DEPDC5: variants seen among roughly 807,000 people sequenced by gnomAD.
DEPDC5 encodes DEP domain containing 5, GATOR1 subcomplex subunit.
A neutral mutation model predicts 217.3 loss-of-function variants in DEPDC5; 73 were observed. That is an observed-to-expected ratio of 0.34 (90% confidence interval 0.28 to 0.41). DEPDC5 has a LOEUF of 0.41. Among genes scored for constraint, DEPDC5 ranks in the 10% least tolerant of loss-of-function variants. The pLI is 1.00. For synonymous variants in DEPDC5, 733 were observed against 756.7 expected (o/e 0.97, Z 0.51); for missense variants, 1,675 against 2,070.1 (o/e 0.81, Z 3.70).
chr22:31,866,426 G>A (rs756278527), intron 33 of DEPDC5, among the ~76,000 whole-genome samples: 4 of 151,812 alleles, frequency 2.6e-5, no homozygotes, highest in African/African-American at 9.7e-5. Context: ...TCGCTCTGTC[G>A]CCAGGCTGGA....
At position 31,802,333 on chromosome 22, in the gene DEPDC5, T is replaced by C. The variant is rs567455726; in HGVS notation, c.947-371T>C. On this transcript the variant is annotated intron_variant, in intron 14 of 42. Coordinates refer to ENST00000651528, the MANE Select transcript of DEPDC5 (RefSeq NM_001242896.3). Reference sequence around the variant, plus strand: ...TTGGTAGAGATGGAGTTTCACCATGTTGGCCAGGCTGGTCTCAAACTCCTG... The same window carrying C: ...TTGGTAGAGATGGAGTTTCACCATGCTGGCCAGGCTGGTCTCAAACTCCTG... Among the ~76,000 whole-genome samples the C allele has an allele frequency of 2.0e-5, 3 of 152,134 alleles. 1 individual carries two copies. The South Asian group carries it at 6.2e-4, about 32-fold the overall frequency.
chr22:31,881,075 C>T (rs1602692108), intron 38 of DEPDC5, among the ~76,000 whole-genome samples: 1 of 151,298 alleles, frequency 6.6e-6, no homozygotes, highest in East Asian at 1.9e-4. Context: ...CTTTGGGAGG[C>T]TGAGGTGGGT....
At chr22:31,831,520 T>A (rs2090593577) in intron 24 of DEPDC5, among the ~76,000 whole-genome samples, 1 of 152,136 alleles carries the variant, frequency 6.6e-6, no homozygotes, top group African/African-American at 2.4e-5. Context: ...TGCAGTGGTG[T>A]GATCTCAGCT....
At chr22:31,753,982 G>A (rs1434389896), upstream of DEPDC5, 2 of 152,820 alleles carry the variant, frequency 1.3e-5, no homozygotes, top group African/African-American at 2.4e-5. Context: ...CCACCGGAGC[G>A]GCGCGGGTTC....
chr22:31,784,094 T>A, intron 9 of DEPDC5, 109 bp downstream of exon 9: 1 of 826,800 alleles, frequency 1.2e-6, no homozygotes, highest in Non-Finnish European at 1.9e-6. Flanking sequence ...TAACAAACTT[T>A]AAATATCATT....
chr22:31,863,347 A>G (rs1032148166), intron 33 of DEPDC5, among the ~76,000 whole-genome samples: 1 of 152,138 alleles, frequency 6.6e-6, no homozygotes, highest in African/African-American at 2.4e-5. Flanking sequence ...TTGTATTATT[A>G]GTAGAGAAGG....
chr22:31,829,189 G>GGGAC (rs2090399297), intron 24 of DEPDC5, among the ~76,000 whole-genome samples: 1 of 152,166 alleles, frequency 6.6e-6, no homozygotes, highest in African/African-American at 2.4e-5. Flanking sequence ...TCCTTGTTTT[G>GGGAC]GGACAAGGTG....
At chr22:31,896,894 G>A (rs7291742) in intron 39 of DEPDC5, among the ~76,000 whole-genome samples, 12,155 of 152,132 alleles carry the variant, frequency 0.08, 554 homozygotes, top group Admixed American at 0.12. Context: ...TGAGGCCAGC[G>A]GATCACCTGA....
intron 11 of DEPDC5, 106 bp downstream of exon 11, chr22:31,792,208 C>A (rs962389244): frequency 5.0e-6 from 4 of 796,044 alleles, no homozygotes; most frequent in Non-Finnish European, 8.4e-6. Context: ...TTCCACCCTT[C>A]CCATCTTTTC....
Position 31,879,586 on chromosome 22 carries a change from C to A in DEPDC5, c.3867C>A (p.Phe1289Leu). 6.2e-7 allele frequency: 1 copy of A among 1,613,724 alleles called. No homozygotes were observed. The highest frequency in any genetic ancestry group is 8.5e-7 in the Non-Finnish European group (1 of 1,180,032). The change falls in exon 38 of 43, where the codon TTC becomes TTA. Residue 1289 changes from phenylalanine to leucine, a missense_variant. By Grantham distance (22) the Phe-to-Leu change is conservative. Around this residue, in one of 11 missense-constraint regions of DEPDC5, gnomAD observed 194 missense variants for 199.3 expected, o/e 0.97. Transcript: ENST00000651528. ...CAGGAGTGGACGACTTCGCCAGCTT[C>A]CAGCGCAAGTGGTTTGAGGTGGCCT... ...HTAGVDDFAS[F>L]QRKWFEVAFV...
intron 21 of DEPDC5, chr22:31,815,932 A>G: frequency 9.9e-7 from 1 of 1,008,046 alleles, no homozygotes; most frequent in Non-Finnish European, 1.2e-6. Flanking sequence ...CCTAGGGTCA[A>G]AAGGGTTTAT....
intron 24 of DEPDC5, among the ~76,000 whole-genome samples, chr22:31,825,991 C>A (rs1052529123): frequency 6.6e-6 from 1 of 151,934 alleles, no homozygotes; most frequent in Non-Finnish European, 1.5e-5. Flanking sequence ...GTGTCTTTAT[C>A]ATGAAGAGAT....
chr22:31,766,756 T>A, intron 6 of DEPDC5, 88 bp downstream of exon 6: 10 of 1,244,840 alleles, frequency 8.0e-6, no homozygotes, highest in Non-Finnish European at 1.2e-5. Context: ...ATAAAATCGT[T>A]TCTGATTTTA....
chr22:31,768,679 T>G (rs1438575399), intron 6 of DEPDC5, 135 bp from the exon 7 acceptor site: 1 of 715,866 alleles, frequency 1.4e-6, no homozygotes, highest in Non-Finnish European at 2.3e-6. Context: ...AACTTTGGGT[T>G]GGTAGAAGAG....
At chr22:31,902,050 A>G (rs1343010339) in intron 41 of DEPDC5, among the ~76,000 whole-genome samples, 1 of 152,180 alleles carries the variant, frequency 6.6e-6, no homozygotes, top group Admixed American at 6.5e-5. Flanking sequence ...TGGAGAACAT[A>G]GAACTCTCTC....
intron 38 of DEPDC5, among the ~76,000 whole-genome samples, chr22:31,886,108 A>G (rs2093305619): frequency 6.6e-6 from 1 of 151,596 alleles, no homozygotes; most frequent in Non-Finnish European, 1.5e-5. Flanking sequence ...TACAACCTCA[A>G]ACTCCTGGGC....
rs571069085 is a variant in DEPDC5 at position 31,833,519 on chromosome 22, C to G, written c.2105-396C>G. ...TTTTAGAGATAAGGTCTCTCTCACT[C>G]TGTCGTCGCCCAGGTTGGAGTGCAG... On this transcript the variant is annotated intron_variant, in intron 24 of 42. Transcript: ENST00000651528. 1.7e-4 allele frequency among the ~76,000 whole-genome samples: 26 copies of G among 152,232 alleles called. No homozygotes were observed. In the South Asian group the frequency reaches 2.1e-3, roughly 12 times the overall value.
chr22:31,882,435 C>T (rs1312776985), intron 38 of DEPDC5, among the ~76,000 whole-genome samples: 1 of 152,128 alleles, frequency 6.6e-6, no homozygotes, highest in African/African-American at 2.4e-5. Context: ...TATGTGAGAG[C>T]TGAAGAAAGC....
chr22:31,877,270 T>A (rs921019307), intron 37 of DEPDC5, among the ~76,000 whole-genome samples: 4 of 149,334 alleles, frequency 2.7e-5, no homozygotes, highest in Non-Finnish European at 5.9e-5. Context: ...ACCCCACCTC[T>A]ACTAAAATAC....
Sources: gnomAD v4.1 joint callset for allele counts (sites outside exome capture counted in the v4.1 genomes callset) on GRCh38, gnomAD v4.1.1 for gene constraint, gnomAD v4.1.1 regional missense constraint, MANE v1.5 for transcripts, NCBI Gene and HGNC (gene_info 2026-07-23, HGNC 2026-07-21) for gene names.